Variants in CCT6B observed in about 807,000 individuals in gnomAD.
CCT6B encodes chaperonin containing TCP1 subunit 6B.
CCT6B carries 49 observed loss-of-function variants against 61.5 expected under a neutral mutation model. The ratio of observed to expected loss-of-function variants is 0.80; its 90% CI spans 0.63 to 1.01. The LOEUF (loss-of-function observed/expected upper bound fraction) is 1.01, where lower values mean the gene tolerates loss of function less well. CCT6B is among the 50% of genes least tolerant of loss of function. The pLI, the probability that CCT6B is intolerant of heterozygous loss-of-function variation, is 0.00. For missense variants in CCT6B, 666 were observed against 634.7 expected, an observed-to-expected ratio of 1.05 and a Z score of -0.53; for synonymous variants, 228 against 214.5, an observed-to-expected ratio of 1.06 and a Z score of -0.55.
intron 4 of CCT6B, among the ~76,000 whole-genome samples, chr17:34,953,508 T>C (rs571694998): frequency 7.2e-5 from 11 of 151,950 alleles, no homozygotes; most frequent in African/African-American, 2.7e-4. Flanking sequence ...TTTTGTATTT[T>C]GAGTACAGAC....
chr17:34,949,263 C>T (rs940600405), intron 5 of CCT6B, among the ~76,000 whole-genome samples: 4 of 151,578 alleles, frequency 2.6e-5, no homozygotes, highest in Admixed American at 2.0e-4. Context: ...CAAGACCAGC[C>T]GGACCAACAT....
intron 5 of CCT6B, among the ~76,000 whole-genome samples, chr17:34,946,485 A>C (rs554646618): frequency 1.3e-5 from 2 of 152,364 alleles, no homozygotes; most frequent in Admixed American, 6.5e-5. Context: ...GGCAGATTTA[A>C]GAAAGAACCA....
In CCT6B at chr17:34,942,506, C is replaced by A. The variant is rs766930718; in HGVS notation, c.863G>T (p.Gly288Val). The change falls in exon 7 of 14, where the codon GGA becomes GTA. Residue 288 changes from glycine to valine, a missense_variant. Physicochemically the swap from Gly to Val is moderately radical, Grantham distance 109. Transcript: ENST00000314144. ...CACCTTTTGATTAATGACGACAAAT[C>A]CTTTATTTGACTGAGCACAGACTTT... ...KDKVCAQSNK[G>V]FVVINQKGID... 3 of 1,591,096 alleles carry A rather than the reference C, an allele frequency of 1.9e-6. No homozygotes were observed. Among genetic ancestry groups the A allele is most frequent in the South Asian group, 2.3e-5 (2 of 85,848 alleles).
At chr17:34,939,426 T>C in intron 9 of CCT6B, 96 bp from the exon 10 acceptor site, 1 of 1,093,224 alleles carries the variant, frequency 9.1e-7, no homozygotes, top group Non-Finnish European at 1.3e-6. Context: ...GAATTTTTCT[T>C]ATCAAGCATA....
intron 13 of CCT6B, 91 bp downstream of exon 13, chr17:34,928,871 G>A: frequency 1.3e-6 from 1 of 744,766 alleles, no homozygotes; most frequent in Non-Finnish European, 2.3e-6. Context: ...TTTTTCCACT[G>A]TACAGGGACA....
chr17:34,949,213 TG>T (rs2090262755), intron 5 of CCT6B, among the ~76,000 whole-genome samples: 1 of 151,436 alleles, frequency 6.6e-6, no homozygotes, highest in East Asian at 1.9e-4. Context: ...CCCAGCACTT[TG>T]GGAGGCAGAG....
intron 7 of CCT6B, among the ~76,000 whole-genome samples, chr17:34,942,245 A>C (rs2090172029): frequency 6.6e-6 from 1 of 151,794 alleles, no homozygotes; most frequent in Admixed American, 6.6e-5. Flanking sequence ...GACTACTAGT[A>C]TAGTTTGGTG....
chr17:34,939,382 A>G (rs1285210587), intron 9 of CCT6B, 52 bp from the exon 10 acceptor site: 1 of 1,448,474 alleles, frequency 6.9e-7, no homozygotes, highest in African/African-American at 1.4e-5. Context: ...TCATTATAAA[A>G]TCAACAATTT....
chr17:34,939,399 G>T, intron 9 of CCT6B, 69 bp from the exon 10 acceptor site: 1 of 1,281,674 alleles, frequency 7.8e-7, no homozygotes, highest in Non-Finnish European at 1.1e-6. Flanking sequence ...ATTTATACTA[G>T]AATACAATCT....
chr17:34,932,500 C>G lies in CCT6B; in HGVS notation c.1214G>C (p.Gly405Ala), dbSNP rs755873242. 6.3e-7 allele frequency: 1 copy of G among 1,588,698 alleles called. No homozygotes were observed. The highest frequency in any genetic ancestry group is 2.3e-5 in the East Asian group (1 of 44,408). ...LRAIKNAIEDGCMVPGAGAIE... is the reference protein window; with the variant it reads ...LRAIKNAIEDACMVPGAGAIE... The stretch of plus-strand genomic sequence containing the variant: ...TGCACCAGCTCCAGGAACCATACAA[C>G]CTATTGGAGAGAAAAAATATGATTG... Residue 405 changes from glycine (G) to alanine (A), a missense_variant and splice_region_variant, in exon 11 of 14, where the codon GGT becomes GCT. Coordinates refer to ENST00000314144, the MANE Select transcript of CCT6B (RefSeq NM_006584.4).
chr17:34,928,529 T>A (rs990925769), intron 13 of CCT6B, among the ~76,000 whole-genome samples: 7 of 152,160 alleles, frequency 4.6e-5, no homozygotes, highest in Non-Finnish European at 8.8e-5. Flanking sequence ...CGCCTCGGCC[T>A]CCCAAAGTGC....
intron 10 of CCT6B, among the ~76,000 whole-genome samples, chr17:34,934,293 T>C (rs1424540708): frequency 1.3e-5 from 2 of 152,046 alleles, no homozygotes; most frequent in African/African-American, 4.8e-5. Context: ...TTAAAAAGAA[T>C]AACAAATGAA....
intron 10 of CCT6B, among the ~76,000 whole-genome samples, chr17:34,933,241 C>CAGT (rs1259412656): frequency 6.6e-6 from 1 of 152,126 alleles, no homozygotes; most frequent in Non-Finnish European, 1.5e-5. Flanking sequence ...CAGCAGAACT[C>CAGT]AAACTGCTAT....
intron 10 of CCT6B, among the ~76,000 whole-genome samples, chr17:34,936,348 A>T (rs2090093741): frequency 2.0e-5 from 3 of 152,200 alleles, no homozygotes. Flanking sequence ...TACATAATGG[A>T]GAAAGATTGA....
At chr17:34,953,318 A>AAATAT (rs1555550666) in intron 4 of CCT6B, among the ~76,000 whole-genome samples, 1 of 141,130 alleles carries the variant, frequency 7.1e-6, no homozygotes, top group Non-Finnish European at 1.5e-5. Flanking sequence ...CTTTATATAA[A>AAATAT]ATATATATAT....
At chr17:34,958,977 A>G (rs17546473) in intron 2 of CCT6B, among the ~76,000 whole-genome samples, 10,538 of 152,230 alleles carry the variant, frequency 0.069, 540 homozygotes, top group Non-Finnish European at 0.089. Context: ...TACATGTATT[A>G]AACTTGCAAA....
At chr17:34,942,270 T>C (rs987288074) in intron 7 of CCT6B, among the ~76,000 whole-genome samples, 9 of 152,104 alleles carry the variant, frequency 5.9e-5, no homozygotes, top group Admixed American at 3.3e-4. Flanking sequence ...TTCTTTGACT[T>C]GTACTAAGGT....
In CCT6B at chr17:34,938,998, C is replaced by A. The variant is rs146255561; in HGVS notation, c.1213+185G>T. On this transcript the variant is annotated intron_variant, in intron 10 of 13. Coordinates refer to ENST00000314144, the MANE Select transcript of CCT6B (RefSeq NM_006584.4). ...ACTTGGGAGGCTGAGGCAGAAGAAT[C>A]ACTTGAACCTGGGAGGCAGAGGTTG... Among the ~76,000 whole-genome samples, 808 of 152,184 alleles carry A rather than the reference C, an allele frequency of 5.3e-3. 2 individuals carry two copies. The highest frequency in any genetic ancestry group is 0.019 in the African/African-American group (769 of 41,524).
chr17:34,956,944 G>C (rs2090353824), intron 3 of CCT6B, among the ~76,000 whole-genome samples: 2 of 151,786 alleles, frequency 1.3e-5, no homozygotes, highest in Non-Finnish European at 2.9e-5. Flanking sequence ...CAAGTAGCCA[G>C]GACCACATGC....
Sources: gnomAD v4.1 joint callset for allele counts (sites outside exome capture counted in the v4.1 genomes callset) on GRCh38, gnomAD v4.1.1 for gene constraint, MANE v1.5 for transcripts, NCBI Gene and HGNC (gene_info 2026-07-23, HGNC 2026-07-21) for gene names.